Variants in HIPK3 observed in about 807,000 individuals in gnomAD.
The protein encoded by HIPK3 is homeodomain-interacting protein kinase 3.
A neutral mutation model predicts 124.2 loss-of-function variants in HIPK3; 47 were observed. The ratio of observed to expected loss-of-function variants is 0.38; its 90% CI spans 0.30 to 0.48. HIPK3 has a LOEUF of 0.48. HIPK3 is among the 20% of genes least tolerant of loss of function. The pLI is 0.98. For missense variants in HIPK3, 1,286 were observed against 1,454.3 expected (o/e 0.88, Z 1.88); for synonymous variants, 482 against 515.2 (o/e 0.94, Z 0.87).
intron 2 of HIPK3, among the ~76,000 whole-genome samples, chr11:33,306,164 A>G (rs1852153033): frequency 6.6e-6 from 1 of 152,248 alleles, no homozygotes; most frequent in South Asian, 2.1e-4. Context: ...CAACATTTAT[A>G]GATAACTCTT....
chr11:33,292,022 A>C (rs1329770475), intron 2 of HIPK3, among the ~76,000 whole-genome samples: 1 of 152,216 alleles, frequency 6.6e-6, no homozygotes, highest in Admixed American at 6.5e-5. Context: ...AAGTTTCTGT[A>C]ACAAAATTAA....
intron 8 of HIPK3, among the ~76,000 whole-genome samples, chr11:33,345,795 A>T (rs1741911343): frequency 1.3e-5 from 2 of 152,176 alleles, no homozygotes; most frequent in Non-Finnish European, 2.9e-5. Flanking sequence ...CAGAGAGTAG[A>T]ATACCCTGGT....
In HIPK3 at chr11:33,353,790, A is replaced by G. The variant is rs777001591; in HGVS notation, c.*222A>G. On this transcript the variant is annotated 3_prime_UTR_variant, in exon 17 of 17. Transcript: ENST00000303296. ...ATCTTCTTATGTAGTAACTCTAGAC[A>G]GGTGACTTATGGGAGCAGAAGTCCA... 2.1e-5 allele frequency: 10 copies of G among 484,340 alleles called. No individual in the cohort carries two copies. Among genetic ancestry groups the G allele is most frequent in the East Asian group, 3.8e-5 (1 of 26,128 alleles). 30.0% of individuals were successfully genotyped at this position (484,340 alleles called of 1,614,324 possible). A position where few individuals can be genotyped will look rare whatever the true frequency, so the allele number is the denominator to read the frequency against.
intron 1 of HIPK3, among the ~76,000 whole-genome samples, chr11:33,280,667 C>T (rs1851388779): frequency 6.6e-6 from 1 of 152,272 alleles, no homozygotes; most frequent in East Asian, 1.9e-4. Context: ...GGTTGGAGCC[C>T]TGGGTTGATT....
At chr11:33,348,363 G>C in intron 12 of HIPK3, 135 bp downstream of exon 12, 1 of 1,016,020 alleles carries the variant, frequency 9.8e-7, no homozygotes, top group Non-Finnish European at 1.4e-6. Flanking sequence ...TATTTCTAGA[G>C]CTATTTTATA....
chr11:33,283,585 T>TA (rs1314885820), intron 1 of HIPK3, among the ~76,000 whole-genome samples: 5 of 152,120 alleles, frequency 3.3e-5, no homozygotes, highest in Admixed American at 2.0e-4. Context: ...ACCTTTTATC[T>TA]GAAAGGTGGT....
intron 2 of HIPK3, among the ~76,000 whole-genome samples, chr11:33,299,808 G>T (rs905175471): frequency 1.3e-5 from 2 of 151,238 alleles, no homozygotes; most frequent in African/African-American, 4.9e-5. Flanking sequence ...GGAGGATCAT[G>T]AAGTCAGGAG....
chr11:33,318,477 C>T (rs1194755475), intron 2 of HIPK3, among the ~76,000 whole-genome samples: 7 of 152,096 alleles, frequency 4.6e-5, no homozygotes, highest in Non-Finnish European at 1.0e-4. Flanking sequence ...GCTGTGTGAC[C>T]TTAGGCAAGT....
intron 2 of HIPK3, among the ~76,000 whole-genome samples, chr11:33,302,342 CTT>C (rs58735030): frequency 7.4e-6 from 1 of 135,696 alleles, no homozygotes. Context: ...TTCCTTACTT[CTT>C]TTTTTTTTTT....
At chr11:33,275,339 A>G (rs939999126) in intron 1 of HIPK3, among the ~76,000 whole-genome samples, 22 of 152,156 alleles carry the variant, frequency 1.4e-4, no homozygotes, top group African/African-American at 4.8e-4. Context: ...TGCCCAGCCA[A>G]TGAAATGGTT....
intron 2 of HIPK3, among the ~76,000 whole-genome samples, chr11:33,301,262 T>C (rs1286555316): frequency 6.6e-6 from 1 of 152,196 alleles, no homozygotes; most frequent in Non-Finnish European, 1.5e-5. Context: ...TATTTGCAGC[T>C]CTTTTATTCT....
chr11:33,324,234 TG>T (rs1245169002), intron 2 of HIPK3, among the ~76,000 whole-genome samples: 4 of 152,184 alleles, frequency 2.6e-5, no homozygotes, highest in Non-Finnish European at 5.9e-5. Context: ...TTTCAATGCA[TG>T]GTTTATTTTT....
At chr11:33,350,455 C>G (rs1251145963) in intron 14 of HIPK3, among the ~76,000 whole-genome samples, 4 of 151,442 alleles carry the variant, frequency 2.6e-5, no homozygotes, top group African/African-American at 9.7e-5. Flanking sequence ...TCACTTGAGG[C>G]CAAGAGTTCG....
intron 6 of HIPK3, 22 bp downstream of exon 6, chr11:33,339,556 T>C: frequency 6.8e-7 from 1 of 1,479,918 alleles, no homozygotes; most frequent in Non-Finnish European, 9.2e-7. Flanking sequence ...TAAGATCTTT[T>C]AAAGTGGTTC....
intron 2 of HIPK3, among the ~76,000 whole-genome samples, chr11:33,315,393 A>T (rs182994214): frequency 6.6e-6 from 1 of 151,886 alleles, no homozygotes; most frequent in Non-Finnish European, 1.5e-5. Context: ...CACCTGCCTA[A>T]TTTTTGTATT....
intron 2 of HIPK3, among the ~76,000 whole-genome samples, chr11:33,303,941 A>G (rs958905513): frequency 5.6e-4 from 85 of 151,832 alleles, no homozygotes; most frequent in African/African-American, 2.0e-3. Flanking sequence ...ATATATGTGT[A>G]TATATATATA....
chr11:33,301,824 A>ACACACACACACACACAC (rs1322964021), intron 2 of HIPK3, among the ~76,000 whole-genome samples: 1 of 143,862 alleles, frequency 7.0e-6, no homozygotes, highest in Admixed American at 6.9e-5. Context: ...CCTGTCTGAC[A>ACACACACACACACACAC]CACACACACA....
Position 33,349,257 on chromosome 11 carries a change from C to T in HIPK3, c.2777C>T (p.Ser926Phe). Residue 926 changes from serine (S) to phenylalanine (F), a missense_variant, in exon 14 of 17, where the codon TCC becomes TTC. Coordinates refer to ENST00000303296, the MANE Select transcript of HIPK3 (RefSeq NM_005734.5). ...CTGAGTACCAGCTCCTCAGGGCAGT[C>T]CAGCCCATCCCCCTGCAAGAGACCG... is the stretch of plus-strand genomic sequence containing the variant. ...STLSTSSSGQ[S>F]SPSPCKRPNS... The T allele has an allele frequency of 6.2e-7, 1 of 1,613,590 alleles. No homozygotes were observed. The highest frequency in any genetic ancestry group is 1.3e-5 in the African/African-American group (1 of 75,030).
intron 2 of HIPK3, among the ~76,000 whole-genome samples, chr11:33,321,535 T>G (rs1420381872): frequency 6.6e-6 from 1 of 152,200 alleles, no homozygotes; most frequent in African/African-American, 2.4e-5. Flanking sequence ...ATGTCTTAGA[T>G]AGAAGCATTA....
Sources: gnomAD v4.1 joint callset for allele counts (sites outside exome capture counted in the v4.1 genomes callset) on GRCh38, gnomAD v4.1.1 for gene constraint, MANE v1.5 for transcripts, NCBI Gene and HGNC (gene_info 2026-07-23, HGNC 2026-07-21) for gene names.